The following SENP6 variants were observed in gnomAD, a reference collection of about 807,000 sequenced individuals.
SENP6 encodes sentrin-specific protease 6.
SENP6 carries 41 observed loss-of-function variants against 134.5 expected under a neutral mutation model. That is an observed-to-expected ratio of 0.30 (90% confidence interval 0.24 to 0.40). The LOEUF is 0.40. Ranked by LOEUF, SENP6 falls within the 10% of genes least tolerant of loss-of-function variation. The pLI is 1.00. For missense variants in SENP6, 1,248 were observed against 1,312.5 expected, an observed-to-expected ratio of 0.95 and a Z score of 0.76; for synonymous variants, 395 against 429.8, an observed-to-expected ratio of 0.92 and a Z score of 1.00.
intron 16 of SENP6, among the ~76,000 whole-genome samples, chr6:75,690,925 T>C (rs1368605512): frequency 6.6e-6 from 1 of 151,910 alleles, no homozygotes; most frequent in Non-Finnish European, 1.5e-5. Context: ...CTTGAACTTC[T>C]GTCCTCAAGT....
At chr6:75,610,603 A>G (rs1046034518) in intron 1 of SENP6, among the ~76,000 whole-genome samples, 2 of 152,178 alleles carry the variant, frequency 1.3e-5, no homozygotes, top group African/African-American at 4.8e-5. Flanking sequence ...TCCATTGGCA[A>G]AAATTATTAA....
chr6:75,602,169 C>A lies in SENP6; in HGVS notation c.-356C>A, dbSNP rs1478070802. ...TTCATTCTCCTTTCTTGGGAACCCA[C>A]GGCTGGGGGAAGTTTCTCAGGCAGC... is the stretch of plus-strand genomic sequence containing the variant. On this transcript the variant is annotated 5_prime_UTR_variant, in exon 1 of 24. Coordinates refer to ENST00000447266, the MANE Select transcript of SENP6 (RefSeq NM_015571.4). 4.3e-6 allele frequency: 1 copy of A among 231,604 alleles called. No homozygotes were observed. The highest frequency in any genetic ancestry group is 8.3e-6 in the Non-Finnish European group (1 of 120,264). 14.3% of individuals were successfully genotyped at this position (231,604 alleles called of 1,614,324 possible).
At chr6:75,710,667 T>C (rs1775696843) in intron 20 of SENP6, among the ~76,000 whole-genome samples, 1 of 152,194 alleles carries the variant, frequency 6.6e-6, no homozygotes, top group African/African-American at 2.4e-5. Context: ...TTACCTGTGA[T>C]GTGAACAAGC....
rs2149861041 is a variant in SENP6 at position 75,659,376 on chromosome 6, C to T, written c.665C>T (p.Pro222Leu). 6.2e-7 allele frequency: 1 copy of T among 1,609,046 alleles called. No homozygotes were observed. Reference protein sequence around the residue: ...STYQPTPPLSPASKKCLTHLE... With the variant: ...STYQPTPPLSLASKKCLTHLE... The stretch of plus-strand genomic sequence containing the variant: ...TATCAGCCTACTCCTCCTCTATCTC[C>T]TGCTTCAAAAAAATGTTTAACCCAT... The change falls in exon 8 of 24, where the codon CCT becomes CTT. Residue 222 changes from proline (P) to leucine (L), a missense_variant. Physicochemically the swap from Pro to Leu is moderately conservative, Grantham distance 98. Around this residue, in one of 3 missense-constraint regions of SENP6, gnomAD observed 733 missense variants for 725.4 expected, o/e 1.01. Transcript: ENST00000447266.
Position 75,675,450 on chromosome 6 carries a change from A to G in SENP6, c.1408A>G (p.Ile470Val). 6.9e-7 allele frequency: 1 copy of G among 1,458,080 alleles called. No individual in the cohort carries two copies. Among genetic ancestry groups the G allele is most frequent in the Non-Finnish European group, 9.4e-7 (1 of 1,061,986 alleles). 90.3% of individuals were successfully genotyped at this position (1,458,080 alleles called of 1,614,324 possible). The change falls in exon 12 of 24, where the codon ATC (isoleucine) becomes GTC (valine). Residue 470 changes from isoleucine (I) to valine (V), a missense_variant. By Grantham distance (29) the Ile-to-Val change is conservative (BLOSUM62 3). Coordinates refer to ENST00000447266, the MANE Select transcript of SENP6 (RefSeq NM_015571.4). ...TTTTTTTTAGTTTTGTTTAGATTTTATCAAGATACAGCTAGACGGTAAGCT... is the reference window on the plus strand; with the variant it reads ...TTTTTTTTAGTTTTGTTTAGATTTTGTCAAGATACAGCTAGACGGTAAGCT... ...IEPVIFCLDF[I>V]KIQLDEPDHD...
Position 75,602,529 on chromosome 6 carries a change from C to A in SENP6, c.5C>A (p.Ala2Glu). 1 of 1,551,340 alleles carries A rather than the reference C, an allele frequency of 6.4e-7. No homozygotes were observed. The highest frequency in any genetic ancestry group is 1.2e-5 in the South Asian group (1 of 84,050). The change falls in exon 1 of 24, where the codon GCG (alanine) becomes GAG (glutamate). Residue 2 changes from alanine (A) to glutamate (E), a missense_variant. By Grantham distance (107) the Ala-to-Glu change is moderately radical (BLOSUM62 -1). Transcript: ENST00000447266. MAAGKSGGSAGE... is the reference protein window; with the variant it reads MEAGKSGGSAGE... ...AGGCGGCGTGGGAGGAGGAAGATGGCGGCCGGCAAGAGCGGCGGTAGCGCA... is the reference window on the plus strand; with the variant it reads ...AGGCGGCGTGGGAGGAGGAAGATGGAGGCCGGCAAGAGCGGCGGTAGCGCA...
intron 8 of SENP6, among the ~76,000 whole-genome samples, chr6:75,663,011 A>C (rs1771900461): frequency 1.3e-5 from 2 of 152,218 alleles, no homozygotes; most frequent in African/African-American, 4.8e-5. Context: ...TTAGGCTCTC[A>C]TGGTAGCCAT....
rs1336915791 is a variant in SENP6, at chr6:75,636,376, A to G, written c.458+1565A>G. On this transcript the variant is annotated intron_variant, in intron 5 of 23. Transcript: ENST00000447266. Reference sequence around the variant, plus strand: ...AATAAGCATTTCTTATTCCAACTGCAGCATGACTGTCACTAAAAAGATTTT... The same window carrying G: ...AATAAGCATTTCTTATTCCAACTGCGGCATGACTGTCACTAAAAAGATTTT... Among the ~76,000 whole-genome samples the G allele has an allele frequency of 2.0e-5, 3 of 152,216 alleles. No homozygotes were observed. In the South Asian group the frequency reaches 6.2e-4, roughly 31 times the overall value.
chr6:75,630,101 C>T (rs1419427120), intron 3 of SENP6, among the ~76,000 whole-genome samples: 1 of 148,646 alleles, frequency 6.7e-6, no homozygotes, highest in Non-Finnish European at 1.5e-5. Context: ...TGGAGTCTCG[C>T]TCTTGCCACC....
chr6:75,672,763 T>G (rs1440520667), intron 11 of SENP6, among the ~76,000 whole-genome samples: 1 of 152,214 alleles, frequency 6.6e-6, no homozygotes, highest in African/African-American at 2.4e-5. Context: ...CACTTGCTTA[T>G]TATTAGATAA....
intron 7 of SENP6, among the ~76,000 whole-genome samples, chr6:75,653,660 GT>G (rs35936649): frequency 0.022 from 3,181 of 146,084 alleles, 83 homozygotes; most frequent in East Asian, 0.14. Context: ...GGAATGTTGT[GT>G]TTTTTTTTTT....
At chr6:75,627,838 G>A (rs1268206857) in intron 3 of SENP6, among the ~76,000 whole-genome samples, 2 of 151,940 alleles carry the variant, frequency 1.3e-5, no homozygotes, top group East Asian at 1.9e-4. Context: ...CACCACGCCC[G>A]GCTAATTTTT....
At chr6:75,698,762 A>G (rs769822521) in intron 18 of SENP6, among the ~76,000 whole-genome samples, 11 of 152,028 alleles carry the variant, frequency 7.2e-5, no homozygotes, top group Non-Finnish European at 1.2e-4. Context: ...TGTAATCCCA[A>G]CACTTTGAGA....
intron 1 of SENP6, 135 bp downstream of exon 1, chr6:75,602,711 G>A (rs1364038743): frequency 9.8e-6 from 9 of 922,628 alleles, no homozygotes; most frequent in Admixed American, 2.3e-5. Context: ...AGCGATGACG[G>A]GGAGGGAGTG....
rs759527952 is a variant in SENP6, at chr6:75,675,918, A to G, written c.1485A>G (p.Glu495=). The G allele has an allele frequency of 1.2e-6, 2 of 1,611,662 alleles. No individual in the cohort carries two copies. Among genetic ancestry groups the G allele is most frequent in the Non-Finnish European group, 1.7e-6 (2 of 1,179,086 alleles). ...ATACCTCTGATCTAACTAAATGTGA[A>G]TGGTGTAATGTCCGAAAATTACCTG... ...ILNTSDLTKC[E]WCNVRKLPVV... The change falls in exon 13 of 24, where the codon GAA becomes GAG. Residue 495 remains glutamate (E), a synonymous_variant. Coordinates refer to ENST00000447266, the MANE Select transcript of SENP6 (RefSeq NM_015571.4).
chr6:75,607,743 T>A, intron 1 of SENP6, among the ~76,000 whole-genome samples: 1 of 152,240 alleles, frequency 6.6e-6, no homozygotes, highest in Admixed American at 6.5e-5. Flanking sequence ...CATGCAATGT[T>A]GTTCTCTACA....
At chr6:75,647,171 A>G (rs551792735) in intron 6 of SENP6, 1 of 152,364 alleles carries the variant, frequency 6.6e-6, no homozygotes, top group African/African-American at 2.4e-5. Context: ...ATGCGCTTTT[A>G]TACAATTAGC....
At chr6:75,644,625 C>T (rs1019236216) in intron 6 of SENP6, among the ~76,000 whole-genome samples, 70 of 152,290 alleles carry the variant, frequency 4.6e-4, no homozygotes, top group African/African-American at 1.7e-3. Flanking sequence ...GCTGGGATTA[C>T]AGGCATGTAC....
rs1004836101 is a variant in SENP6, at chr6:75,704,157, CAG to C, written c.2716+1089_2716+1090del. ...GAGAGACTGAGAAAGAAATAAGACA[CAG>C]AGACAAAGTATAGAGAAAGAACAGT... On this transcript the variant is annotated intron_variant, in intron 19 of 23. Coordinates refer to ENST00000447266, the MANE Select transcript of SENP6 (RefSeq NM_015571.4). Among the ~76,000 whole-genome samples the C allele has an allele frequency of 3.9e-5, 6 of 152,232 alleles. No individual in the cohort carries two copies. The South Asian group carries it at 1.2e-3, about 32-fold the overall frequency.
Sources: allele counts gnomAD v4.1 joint callset (sites outside exome capture counted in the v4.1 genomes callset), GRCh38; gene constraint gnomAD v4.1.1; regional missense constraint gnomAD v4.1.1; transcripts MANE v1.5; gene names NCBI Gene and HGNC (gene_info 2026-07-23, HGNC 2026-07-21).